The following ATP2B2 variants were observed in gnomAD, a reference collection of about 807,000 sequenced individuals.
The protein encoded by ATP2B2 is plasma membrane calcium-transporting ATPase 2.
A neutral mutation model predicts 120.0 loss-of-function variants in ATP2B2; 15 were observed. The observed-to-expected ratio is 0.12, with a 90% CI of 0.08 to 0.19. The LOEUF (loss-of-function observed/expected upper bound fraction) is 0.19. Among genes scored for constraint, ATP2B2 ranks in the 10% least tolerant of loss-of-function variants. The pLI is 1.00. For synonymous variants in ATP2B2, 694 were observed against 700.3 expected (o/e 0.99, Z 0.14); for missense variants, 1,045 against 1,719.8 (o/e 0.61, Z 6.94).
At chr3:10,349,899 G>C (rs1475793220) in intron 16 of ATP2B2, among the ~76,000 whole-genome samples, 1 of 152,158 alleles carries the variant, frequency 6.6e-6, no homozygotes, top group Admixed American at 6.5e-5. Context: ...GGGAGTTGGA[G>C]GCCCACAGAG....
intron 2 of ATP2B2, among the ~76,000 whole-genome samples, chr3:10,559,462 C>G (rs1300300613): frequency 6.6e-6 from 1 of 152,054 alleles, no homozygotes; most frequent in Admixed American, 6.5e-5. Flanking sequence ...CTGCTCACTA[C>G]ACACGTATGG....
chr3:10,681,422 C>G (rs970128906), intron 1 of ATP2B2, among the ~76,000 whole-genome samples: 6 of 152,130 alleles, frequency 3.9e-5, no homozygotes, highest in African/African-American at 1.2e-4. Flanking sequence ...CCCATTGATC[C>G]TCACAAGCTG....
chr3:10,438,004 G>A (rs986641462), intron 2 of ATP2B2, among the ~76,000 whole-genome samples: 2 of 152,326 alleles, frequency 1.3e-5, no homozygotes, highest in South Asian at 4.1e-4. Flanking sequence ...CTCAGTCTGT[G>A]GTCTTTGGAT....
chr3:10,495,924 C>G (rs1469320235), intron 1 of ATP2B2, among the ~76,000 whole-genome samples: 1 of 152,214 alleles, frequency 6.6e-6, no homozygotes. Flanking sequence ...GCTGCCTCCG[C>G]CTCCCAGCAG....
At chr3:10,619,218 C>T (rs925535148) in intron 2 of ATP2B2, among the ~76,000 whole-genome samples, 1 of 152,060 alleles carries the variant, frequency 6.6e-6, no homozygotes, top group Non-Finnish European at 1.5e-5. Context: ...CTTGTTTTCT[C>T]GGGGACACCA....
chr3:10,555,254 G>T (rs1429067426), intron 2 of ATP2B2, among the ~76,000 whole-genome samples: 1 of 152,206 alleles, frequency 6.6e-6, no homozygotes, highest in Non-Finnish European at 1.5e-5. Context: ...CACAGCAACT[G>T]GCTGTTTCCT....
At chr3:10,639,150 A>C (rs2070102892) in intron 1 of ATP2B2, among the ~76,000 whole-genome samples, 2 of 152,170 alleles carry the variant, frequency 1.3e-5, no homozygotes, top group Non-Finnish European at 2.9e-5. Flanking sequence ...CAAATAGATA[A>C]ATTGGGCTTC....
At chr3:10,515,062 G>T (rs2066850145) in intron 3 of ATP2B2, among the ~76,000 whole-genome samples, 1 of 152,228 alleles carries the variant, frequency 6.6e-6, no homozygotes, top group Non-Finnish European at 1.5e-5. Context: ...CAGATACAAG[G>T]TGCTGTTTCT....
intron 1 of ATP2B2, among the ~76,000 whole-genome samples, chr3:10,653,203 C>T (rs541569546): frequency 4.8e-4 from 73 of 152,300 alleles, no homozygotes; most frequent in African/African-American, 1.7e-3. Flanking sequence ...CAGGCCTGCA[C>T]GGCTCCTCCA....
At chr3:10,426,334 G>A (rs1018692596) in intron 2 of ATP2B2, among the ~76,000 whole-genome samples, 3 of 152,134 alleles carry the variant, frequency 2.0e-5, no homozygotes, top group African/African-American at 7.2e-5. Context: ...CAATAAACAT[G>A]TGGCCTCTCC....
At chr3:10,364,664 T>G (rs1305214009) in intron 12 of ATP2B2, among the ~76,000 whole-genome samples, 1 of 151,914 alleles carries the variant, frequency 6.6e-6, no homozygotes, top group Non-Finnish European at 1.5e-5. Flanking sequence ...TGAGCCAAAA[T>G]TGTGCCACTG....
chr3:10,352,005 G>A (rs1047745257), intron 14 of ATP2B2, among the ~76,000 whole-genome samples: 4 of 152,230 alleles, frequency 2.6e-5, no homozygotes, highest in East Asian at 3.9e-4. Context: ...ACTTTGATAC[G>A]GCAGCCCTAG....
chr3:10,581,302 C>A (rs1260755529), intron 2 of ATP2B2, among the ~76,000 whole-genome samples: 1 of 152,206 alleles, frequency 6.6e-6, no homozygotes, highest in Non-Finnish European at 1.5e-5. Flanking sequence ...GCCAGAGGAG[C>A]CCCACAAGGC....
intron 2 of ATP2B2, among the ~76,000 whole-genome samples, chr3:10,605,196 T>C (rs932807067): frequency 6.6e-6 from 1 of 152,228 alleles, no homozygotes; most frequent in Non-Finnish European, 1.5e-5. Flanking sequence ...AAATTGTTCA[T>C]GGGTGATGGG....
chr3:10,360,229 G>C, intron 12 of ATP2B2, 106 bp from the exon 13 acceptor site: 1 of 1,470,094 alleles, frequency 6.8e-7, no homozygotes, highest in Non-Finnish European at 9.0e-7. Flanking sequence ...TGGTCTCTGG[G>C]CTGGGGGCTG....
intron 2 of ATP2B2, among the ~76,000 whole-genome samples, chr3:10,581,745 T>C (rs768878289): frequency 6.6e-6 from 1 of 152,210 alleles, no homozygotes; most frequent in Non-Finnish European, 1.5e-5. Flanking sequence ...AAGGGCACAA[T>C]CCATCTGACC....
At chr3:10,378,460 C>A (rs751316417) in intron 9 of ATP2B2, 50 bp from the exon 10 acceptor site, 23 of 1,597,348 alleles carry the variant, frequency 1.4e-5, no homozygotes, top group Non-Finnish European at 1.8e-5. Context: ...CATAGACACA[C>A]ATGCAGGTCA....
At chr3:10,365,865 T>TG (rs1382711114) in intron 12 of ATP2B2, among the ~76,000 whole-genome samples, 1 of 151,762 alleles carries the variant, frequency 6.6e-6, no homozygotes, top group Admixed American at 6.6e-5. Flanking sequence ...GTGGTGTGTG[T>TG]GTATGTGTCA....
intron 2 of ATP2B2, among the ~76,000 whole-genome samples, chr3:10,592,756 A>G (rs1268190436): frequency 6.6e-6 from 1 of 152,200 alleles, no homozygotes; most frequent in Admixed American, 6.5e-5. Context: ...ACCCTGGAAT[A>G]TGACTGTTTG....
Sources: allele counts gnomAD v4.1 joint callset (sites outside exome capture counted in the v4.1 genomes callset), GRCh38; gene constraint gnomAD v4.1.1; transcripts MANE v1.5; gene names NCBI Gene and HGNC (gene_info 2026-07-23, HGNC 2026-07-21).